The following MAP4K3 variants were observed in gnomAD, a reference collection of about 807,000 sequenced individuals.
MAP4K3 encodes MAPK/ERK kinase kinase kinase 3.
A neutral mutation model predicts 143.5 loss-of-function variants in MAP4K3; 94 were observed. That is an observed-to-expected ratio of 0.65 (90% confidence interval 0.55 to 0.78). MAP4K3 has a LOEUF of 0.78. Ranked by LOEUF, MAP4K3 falls within the 30% of genes least tolerant of loss-of-function variation. The pLI is 0.00. For synonymous variants in MAP4K3, 416 were observed against 347.2 expected (o/e 1.20, Z -2.20); for missense variants, 1,077 against 1,068.1 (o/e 1.01, Z -0.12).
At chr2:39,286,115 C>T (rs1279877395) in intron 21 of MAP4K3, among the ~76,000 whole-genome samples, 1 of 152,146 alleles carries the variant, frequency 6.6e-6, no homozygotes, top group Non-Finnish European at 1.5e-5. Flanking sequence ...TCGTGGAAGA[C>T]AATTTTTCCA....
rs781131258 is a variant in MAP4K3 at position 39,288,154 on chromosome 2, G to C, written c.1441C>G (p.Pro481Ala). ...ACAGGTTTGTGTGGGGGTAATCTGG[G>C]AGGTGGTGGTCTAGGTGGAACTTGG... Reference protein sequence around the residue: ...PSQVPPRPPPPRLPPHKPVAL... With the variant: ...PSQVPPRPPPARLPPHKPVAL... Residue 481 changes from proline to alanine, a missense_variant, in exon 20 of 34, where the codon CCC (proline) becomes GCC (alanine). Transcript: ENST00000263881. The C allele has an allele frequency of 6.2e-7, 1 of 1,614,114 alleles. No individual in the cohort carries two copies. Among genetic ancestry groups the C allele is most frequent in the Non-Finnish European group, 8.5e-7 (1 of 1,180,016 alleles).
intron 2 of MAP4K3, among the ~76,000 whole-genome samples, chr2:39,373,930 T>G (rs1392349758): frequency 6.6e-6 from 1 of 152,150 alleles, no homozygotes; most frequent in Non-Finnish European, 1.5e-5. Context: ...AAAAATCCAA[T>G]CATACATTTT....
intron 2 of MAP4K3, among the ~76,000 whole-genome samples, chr2:39,364,472 G>T (rs1020846830): frequency 1.8e-4 from 27 of 152,214 alleles, no homozygotes; most frequent in African/African-American, 6.3e-4. Context: ...AGCCAAATAT[G>T]AATGACCAGT....
intron 31 of MAP4K3, among the ~76,000 whole-genome samples, chr2:39,257,397 A>C (rs937825037): frequency 2.0e-5 from 3 of 152,238 alleles, no homozygotes; most frequent in African/African-American, 7.2e-5. Flanking sequence ...AGCAGACACA[A>C]CAGCCAAAAC....
At chr2:39,347,300 G>C (rs984746511) in intron 3 of MAP4K3, among the ~76,000 whole-genome samples, 1 of 152,138 alleles carries the variant, frequency 6.6e-6, no homozygotes, top group Non-Finnish European at 1.5e-5. Context: ...ATTTTTAAGA[G>C]TATAAAATAA....
At chr2:39,380,507 G>C (rs202235476) in intron 1 of MAP4K3, among the ~76,000 whole-genome samples, 1 of 152,066 alleles carries the variant, frequency 6.6e-6, no homozygotes, top group East Asian at 1.9e-4. Context: ...AGGAGAGCAA[G>C]ATAGAAATTA....
rs1264443291 is a variant in MAP4K3 at position 39,260,586 on chromosome 2, A to G, written c.2308+20T>C. 4 of 1,610,292 alleles carry G rather than the reference A, an allele frequency of 2.5e-6. No homozygotes were observed. The African/African-American group carries it at 5.3e-5, about 22-fold the overall frequency. On this transcript the variant is annotated intron_variant, in intron 29 of 33. Coordinates refer to ENST00000263881, the MANE Select transcript of MAP4K3 (RefSeq NM_003618.4). Reference sequence around the variant, plus strand: ...ACCAGTATATGTATTACCCTTAATAATTCCATAAAAATTACAAACCTGATT... The same window carrying G: ...ACCAGTATATGTATTACCCTTAATAGTTCCATAAAAATTACAAACCTGATT...
At chr2:39,298,684 C>T (rs1046401377) in intron 16 of MAP4K3, among the ~76,000 whole-genome samples, 7 of 152,028 alleles carry the variant, frequency 4.6e-5, no homozygotes, top group Non-Finnish European at 7.4e-5. Context: ...TGAAATTTTG[C>T]GAGGCACGGT....
intron 2 of MAP4K3, among the ~76,000 whole-genome samples, chr2:39,370,714 T>C (rs967848254): frequency 1.3e-5 from 2 of 152,232 alleles, no homozygotes; most frequent in African/African-American, 2.4e-5. Context: ...GTAGTTTTCA[T>C]TGTGTTGGAA....
intron 12 of MAP4K3, 107 bp downstream of exon 12, chr2:39,325,411 C>A: frequency 1.6e-6 from 1 of 614,656 alleles, no homozygotes; most frequent in Non-Finnish European, 2.7e-6. Context: ...TTTATTTAAA[C>A]TAGGCCCCAA....
chr2:39,297,243 G>A (rs1181230046), intron 16 of MAP4K3, among the ~76,000 whole-genome samples: 3 of 151,688 alleles, frequency 2.0e-5, no homozygotes, highest in East Asian at 1.9e-4. Context: ...TCAGCCTCCC[G>A]AGTAGCTGGG....
At chr2:39,334,672 A>C (rs1683803090) in intron 6 of MAP4K3, among the ~76,000 whole-genome samples, 1 of 152,088 alleles carries the variant, frequency 6.6e-6, no homozygotes, top group Non-Finnish European at 1.5e-5. Context: ...ATAGCTTATA[A>C]TCACATCACT....
At chr2:39,428,784 C>T (rs1665180951) in intron 1 of MAP4K3, among the ~76,000 whole-genome samples, 1 of 149,804 alleles carries the variant, frequency 6.7e-6, no homozygotes, top group Non-Finnish European at 1.5e-5. Flanking sequence ...AAAAGGAGTC[C>T]ATGGGCCGGG....
chr2:39,282,933 T>C (rs1681600912), intron 21 of MAP4K3, among the ~76,000 whole-genome samples: 1 of 152,218 alleles, frequency 6.6e-6, no homozygotes. Flanking sequence ...TGCCTTAAAA[T>C]TGGACAGTAA....
At chr2:39,394,739 G>C (rs1395353948) in intron 1 of MAP4K3, among the ~76,000 whole-genome samples, 1 of 152,060 alleles carries the variant, frequency 6.6e-6, no homozygotes, top group African/African-American at 2.4e-5. Context: ...GCAACTTCAG[G>C]GAATAAGATA....
chr2:39,368,585 G>A (rs1015948510), intron 2 of MAP4K3, among the ~76,000 whole-genome samples: 1 of 151,806 alleles, frequency 6.6e-6, no homozygotes. Flanking sequence ...CAGGAGGATC[G>A]CTTGAGCCCA....
intron 18 of MAP4K3, 104 bp from the exon 19 acceptor site, chr2:39,290,438 A>T: frequency 5.7e-6 from 4 of 697,928 alleles, no homozygotes; most frequent in Non-Finnish European, 7.1e-6. Context: ...TGCAAAGACA[A>T]ATATCATTTT....
chr2:39,398,713 A>AAATAATAAT (rs60507971), intron 1 of MAP4K3, among the ~76,000 whole-genome samples: 9,395 of 140,198 alleles, frequency 0.067, 442 homozygotes, highest in East Asian at 0.19. Context: ...GGAATAATTA[A>AAATAATAAT]AATAATAATA....
At chr2:39,410,249 C>T (rs1667199996) in intron 1 of MAP4K3, among the ~76,000 whole-genome samples, 2 of 152,160 alleles carry the variant, frequency 1.3e-5, no homozygotes, top group Non-Finnish European at 2.9e-5. Flanking sequence ...ACATAAGAGG[C>T]AGCTGAACCC....
Sources: gnomAD v4.1 joint callset for allele counts (sites outside exome capture counted in the v4.1 genomes callset) on GRCh38, gnomAD v4.1.1 for gene constraint, MANE v1.5 for transcripts, NCBI Gene and HGNC (gene_info 2026-07-23, HGNC 2026-07-21) for gene names.